JPH1: variants seen among roughly 807,000 people sequenced by gnomAD.
The protein encoded by JPH1 is junctophilin-1.
In JPH1, 12 loss-of-function variants were observed where a neutral mutation model predicts 53.6. The ratio of observed to expected loss-of-function variants is 0.22; its 90% CI spans 0.14 to 0.36. The LOEUF (loss-of-function observed/expected upper bound fraction) is 0.36. Among genes scored for constraint, JPH1 ranks in the 10% least tolerant of loss-of-function variants. The probability of loss-of-function intolerance (pLI) is 1.00; values close to 1 mark genes in which losing one functional copy is unlikely to be tolerated. For synonymous variants in JPH1, 375 were observed against 363.8 expected (o/e 1.03, Z -0.35); for missense variants, 808 against 905.5 (o/e 0.89, Z 1.38).
At chr8:74,269,652 C>T (rs1806641892) in intron 2 of JPH1, among the ~76,000 whole-genome samples, 1 of 152,202 alleles carries the variant, frequency 6.6e-6, no homozygotes, top group African/African-American at 2.4e-5. Flanking sequence ...ACTGTTTGAA[C>T]TGAAAGGGGC....
rs1806951003 is a variant in JPH1, at chr8:74,234,779, TATAA to T, written c.*2268_*2271del. The T allele has an allele frequency of 6.6e-6, 1 of 152,606 alleles. No individual in the cohort carries two copies. The highest frequency in any genetic ancestry group is 2.4e-5 in the African/African-American group (1 of 41,434). 9.5% of individuals were successfully genotyped at this position (152,606 alleles called of 1,614,324 possible). ...CATTATACATTTTGGTTTCAAGAAT[TATAA>T]ATAAAGGAACTCACAGGTAGGGAGT... On this transcript the variant is annotated 3_prime_UTR_variant, in exon 6 of 6. Transcript: ENST00000342232.
At chr8:74,306,751 G>A (rs1321871786) in intron 2 of JPH1, among the ~76,000 whole-genome samples, 1 of 151,482 alleles carries the variant, frequency 6.6e-6, no homozygotes, top group Admixed American at 6.6e-5. Context: ...TGCCCGCCAC[G>A]ATGCCTGGCT....
At chr8:74,248,969 G>C (rs893476510) in intron 3 of JPH1, among the ~76,000 whole-genome samples, 1 of 152,114 alleles carries the variant, frequency 6.6e-6, no homozygotes, top group African/African-American at 2.4e-5. Flanking sequence ...AATCCCAAAG[G>C]ATTTTCTCCC....
chr8:74,294,129 A>C (rs559834212), intron 2 of JPH1, among the ~76,000 whole-genome samples: 23 of 152,320 alleles, frequency 1.5e-4, no homozygotes, highest in Admixed American at 9.2e-4. Flanking sequence ...TGTGGGAGGC[A>C]GGAGCATGAA....
intron 2 of JPH1, among the ~76,000 whole-genome samples, chr8:74,277,484 G>C (rs914801289): frequency 2.6e-5 from 4 of 152,214 alleles, no homozygotes; most frequent in African/African-American, 9.6e-5. Flanking sequence ...CAAACTCAAA[G>C]TCCCTCTTAC....
intron 2 of JPH1, among the ~76,000 whole-genome samples, chr8:74,307,430 G>A (rs867268267): frequency 2.1e-4 from 32 of 152,270 alleles, no homozygotes; most frequent in Middle Eastern, 3.4e-3. Flanking sequence ...TCAACCAAGC[G>A]TCTGGAATTT....
intron 3 of JPH1, among the ~76,000 whole-genome samples, chr8:74,255,888 G>A (rs867537996): frequency 0.018 from 2,758 of 152,128 alleles, 86 homozygotes; most frequent in African/African-American, 0.063. Flanking sequence ...AAAGTCAGGA[G>A]ACAACAGGTG....
intron 2 of JPH1, among the ~76,000 whole-genome samples, chr8:74,273,582 T>C (rs545226076): frequency 1.3e-5 from 2 of 152,320 alleles, no homozygotes; most frequent in East Asian, 3.9e-4. Context: ...TATAATTTCA[T>C]TACCTACAGT....
chr8:74,264,387 T>C (rs895078259), intron 2 of JPH1, among the ~76,000 whole-genome samples: 1 of 152,352 alleles, frequency 6.6e-6, no homozygotes, highest in Non-Finnish European at 1.5e-5. Context: ...AAACAAGTTA[T>C]ATCACCAGTG....
chr8:74,284,065 C>A (rs1189255469), intron 2 of JPH1, among the ~76,000 whole-genome samples: 1 of 152,172 alleles, frequency 6.6e-6, no homozygotes, highest in Non-Finnish European at 1.5e-5. Context: ...TGTCTCTTAA[C>A]CTCAGGCCAG....
At chr8:74,237,531 A>G (rs1442884332) in intron 4 of JPH1, among the ~76,000 whole-genome samples, 1 of 152,242 alleles carries the variant, frequency 6.6e-6, no homozygotes, top group African/African-American at 2.4e-5. Context: ...ATTAGTTTAA[A>G]AACGTTTTAA....
intron 2 of JPH1, among the ~76,000 whole-genome samples, chr8:74,274,647 T>A (rs1369824372): frequency 1.3e-5 from 2 of 152,180 alleles, no homozygotes; most frequent in African/African-American, 4.8e-5. Context: ...AGGTCAGAAA[T>A]GCCCTGAATC....
chr8:74,321,372 G>T lies in JPH1; in HGVS notation c.-85C>A. ...GGCAGGGTGTAGCTCGGGGGTGGGGGCCCGGCGGGCGAGCTCACGACAGCG... is the reference window on the plus strand; with the variant it reads ...GGCAGGGTGTAGCTCGGGGGTGGGGTCCCGGCGGGCGAGCTCACGACAGCG... On this transcript the variant is annotated 5_prime_UTR_variant, in exon 1 of 6. Transcript: ENST00000342232. This position sits in a 1 kb window ranked among gnomAD's most constrained non-coding sequence, Gnocchi z 4.3. 1 of 1,321,766 alleles carries T rather than the reference G, an allele frequency of 7.6e-7. No homozygotes were observed. The highest frequency in any genetic ancestry group is 9.8e-7 in the Non-Finnish European group (1 of 1,018,192). 81.9% of individuals were successfully genotyped at this position (1,321,766 alleles called of 1,614,324 possible). A position where few individuals can be genotyped will look rare whatever the true frequency, so the allele number is the denominator to read the frequency against.
At chr8:74,295,096 C>T (rs1377458778) in intron 2 of JPH1, among the ~76,000 whole-genome samples, 2 of 152,180 alleles carry the variant, frequency 1.3e-5, no homozygotes, top group East Asian at 3.9e-4. Context: ...GCTCCTAATC[C>T]TCCATGCTTT....
chr8:74,253,892 C>A (rs1806141932), intron 3 of JPH1, among the ~76,000 whole-genome samples: 1 of 151,994 alleles, frequency 6.6e-6, no homozygotes, highest in African/African-American at 2.4e-5. Context: ...GAAATTGAGG[C>A]AATAATTAAT....
At chr8:74,299,903 T>C (rs910039976) in intron 2 of JPH1, among the ~76,000 whole-genome samples, 1 of 152,218 alleles carries the variant, frequency 6.6e-6, no homozygotes, top group Non-Finnish European at 1.5e-5. Flanking sequence ...GTTTTGTAGC[T>C]GAACTTTTAA....
At chr8:74,301,952 C>G (rs1399658099) in intron 2 of JPH1, among the ~76,000 whole-genome samples, 1 of 152,122 alleles carries the variant, frequency 6.6e-6, no homozygotes, top group Admixed American at 6.5e-5. Flanking sequence ...AATTCCTATC[C>G]CAATTCTCAA....
At position 74,283,914 on chromosome 8, in the gene JPH1, A is replaced by C. The variant is rs540384973; in HGVS notation, c.1140-24411T>G. On this transcript the variant is annotated intron_variant, in intron 2 of 5. Coordinates refer to ENST00000342232, the MANE Select transcript of JPH1 (RefSeq NM_020647.4). The stretch of plus-strand genomic sequence containing the variant: ...CAGAGCAAAGAGATGGAGGAAATGA[A>C]AAGAACAGTGGCAAGTAGCGCTTGG... Among the ~76,000 whole-genome samples, 24 of 34,260 alleles carry C rather than the reference A, an allele frequency of 7.0e-4. No homozygotes were observed. In the East Asian group the frequency reaches 0.015, roughly 21 times the overall value. 22.5% of individuals were successfully genotyped at this position (34,260 alleles called of 152,430 possible). A position where few individuals can be genotyped will look rare whatever the true frequency, so the allele number is the denominator to read the frequency against.
At chr8:74,240,018 C>G (rs1253202561) in intron 4 of JPH1, among the ~76,000 whole-genome samples, 1 of 152,156 alleles carries the variant, frequency 6.6e-6, no homozygotes. Context: ...GTCACCCAGG[C>G]TGGAGTGCAG....
Sources: allele counts gnomAD v4.1 joint callset (sites outside exome capture counted in the v4.1 genomes callset), GRCh38; gene constraint gnomAD v4.1.1; non-coding constraint Gnocchi (gnomAD v3.1); transcripts MANE v1.5; gene names NCBI Gene and HGNC (gene_info 2026-07-23, HGNC 2026-07-21).